CMIP: variants seen among roughly 807,000 people sequenced by gnomAD.
CMIP encodes C-Maf-inducing protein.
In CMIP, 13 loss-of-function variants were observed where a neutral mutation model predicts 97.3. The ratio of observed to expected loss-of-function variants is 0.13; its 90% CI spans 0.09 to 0.21. The LOEUF is 0.21. Among genes scored for constraint, CMIP ranks in the 10% least tolerant of loss-of-function variants. CMIP has a pLI of 1.00. For missense variants in CMIP, 847 were observed against 1,024.9 expected (o/e 0.83, Z 2.37); for synonymous variants, 538 against 436.3 (o/e 1.23, Z -2.91).
chr16:81,645,303 G>A (rs1318396979), intron 3 of CMIP: 17 of 1,166,666 alleles, frequency 1.5e-5, no homozygotes, highest in South Asian at 6.6e-5. Flanking sequence ...CCATGGGCGC[G>A]CCCGTGCAGC....
chr16:81,635,822 A>G (rs2092227528), intron 3 of CMIP, among the ~76,000 whole-genome samples: 1 of 152,134 alleles, frequency 6.6e-6, no homozygotes, highest in Admixed American at 6.5e-5. Context: ...CTGCTGTGGC[A>G]TTAAGCTGGT....
At chr16:81,583,854 G>A (rs2091337546) in intron 1 of CMIP, among the ~76,000 whole-genome samples, 1 of 152,228 alleles carries the variant, frequency 6.6e-6, no homozygotes, top group Non-Finnish European at 1.5e-5. Flanking sequence ...CTGAGCAGAG[G>A]AACAACACAT....
intron 1 of CMIP, among the ~76,000 whole-genome samples, chr16:81,474,192 G>A (rs1214146452): frequency 6.6e-6 from 1 of 152,084 alleles, no homozygotes; most frequent in African/African-American, 2.4e-5. Context: ...CAGAGCTTGT[G>A]GGCGTGGACT....
chr16:81,707,129 G>A, intron 20 of CMIP, 45 bp downstream of exon 20: 1 of 1,534,846 alleles, frequency 6.5e-7, no homozygotes, highest in Non-Finnish European at 9.0e-7. Context: ...CCTTCTTCTA[G>A]CCAGCATCTG....
chr16:81,660,308 CTG>C (rs2092530741), intron 5 of CMIP, among the ~76,000 whole-genome samples: 1 of 151,372 alleles, frequency 6.6e-6, no homozygotes, highest in African/African-American at 2.4e-5. Flanking sequence ...GAGTCTCACT[CTG>C]TCACCCAGGC....
intron 1 of CMIP, among the ~76,000 whole-genome samples, chr16:81,477,953 C>T (rs1156712597): frequency 6.6e-6 from 1 of 152,234 alleles, no homozygotes; most frequent in African/African-American, 2.4e-5. Context: ...ACCTTACTGG[C>T]CAGACCATCA....
intron 3 of CMIP, among the ~76,000 whole-genome samples, chr16:81,629,989 C>A (rs1391512995): frequency 6.6e-6 from 1 of 152,220 alleles, no homozygotes; most frequent in Non-Finnish European, 1.5e-5. Context: ...AGGTGGCTCT[C>A]ACCACCTATT....
At chr16:81,504,747 T>G (rs988681545) in intron 1 of CMIP, among the ~76,000 whole-genome samples, 1 of 148,954 alleles carries the variant, frequency 6.7e-6, no homozygotes, top group South Asian at 2.1e-4. Flanking sequence ...ATTCCACGAG[T>G]GGTCCCAGTC....
chr16:81,529,522 G>A (rs1184801274), intron 1 of CMIP, among the ~76,000 whole-genome samples: 1 of 152,194 alleles, frequency 6.6e-6, no homozygotes, highest in Non-Finnish European at 1.5e-5. Context: ...CCTCAAAGAT[G>A]CCCATGTCCT....
intron 1 of CMIP, among the ~76,000 whole-genome samples, chr16:81,569,682 C>CCA (rs2091048529): frequency 6.6e-6 from 1 of 152,218 alleles, no homozygotes. Flanking sequence ...AAGTGAGATG[C>CCA]TTAAATGCAG....
In CMIP at chr16:81,522,974, C is replaced by T. The variant is rs193091616; in HGVS notation, c.300+77433C>T. 2.1e-3 allele frequency among the ~76,000 whole-genome samples: 322 copies of T among 152,008 alleles called. 1 individual carries two copies. The highest frequency in any genetic ancestry group is 3.1e-3 in the Non-Finnish European group (209 of 67,960). The stretch of plus-strand genomic sequence containing the variant: ...CAGTGTCTCATTCTGTCACCCAGGC[C>T]GGAGTGCAGTGGTTTGATCACAGCT... On this transcript the variant is annotated intron_variant, in intron 1 of 20. Transcript: ENST00000537098.
chr16:81,651,801 C>A (rs370838756), intron 3 of CMIP, among the ~76,000 whole-genome samples: 6 of 152,276 alleles, frequency 3.9e-5, no homozygotes, highest in African/African-American at 1.4e-4. Context: ...GGCTTGAGAG[C>A]CCGAGCACAT....
Position 81,705,588 on chromosome 16 carries a change from C to A in CMIP, c.2181C>A (p.Gly727=), listed in dbSNP as rs1908039794. The change falls in exon 19 of 21, where the codon GGC becomes GGA. Residue 727 remains glycine (G), a synonymous_variant. Transcript: ENST00000537098. ...GCGAGACCCCGGTCACAGACGCTGG[C>A]CTGCTGGCCCTGAGCTGTGAGTGCC... ...NLCETPVTDA[G]LLALSSMKSL... 6.2e-7 allele frequency: 1 copy of A among 1,602,034 alleles called. No individual in the cohort carries two copies.
At chr16:81,701,584 G>C in intron 15 of CMIP, 76 bp from the exon 16 acceptor site, 1 of 1,600,180 alleles carries the variant, frequency 6.2e-7, no homozygotes, top group Non-Finnish European at 8.6e-7. Flanking sequence ...TCAAAACAAG[G>C]CCCTTGGGGT....
intron 3 of CMIP, chr16:81,645,649 G>A: frequency 6.5e-7 from 1 of 1,527,486 alleles, no homozygotes; most frequent in Non-Finnish European, 8.8e-7. Context: ...CGCTGGAGTG[G>A]CTGACTCTGC....
intron 3 of CMIP, among the ~76,000 whole-genome samples, chr16:81,639,950 G>T (rs1176504746): frequency 6.6e-6 from 1 of 152,200 alleles, no homozygotes; most frequent in Non-Finnish European, 1.5e-5. Context: ...GTTAGCTGGT[G>T]TGATGGTGGC....
At chr16:81,506,156 A>C (rs1325038781) in intron 1 of CMIP, among the ~76,000 whole-genome samples, 1 of 152,204 alleles carries the variant, frequency 6.6e-6, no homozygotes, top group Non-Finnish European at 1.5e-5. Context: ...TTGATGAGGA[A>C]ACCAAGGCTC....
At chr16:81,609,353 G>A (rs1044696781) in intron 2 of CMIP, among the ~76,000 whole-genome samples, 1 of 152,216 alleles carries the variant, frequency 6.6e-6, no homozygotes, top group Non-Finnish European at 1.5e-5. Flanking sequence ...TCCATGAAGG[G>A]GGTGGTCAGT....
chr16:81,671,903 C>G (rs1175089544), intron 8 of CMIP, 63 bp from the exon 9 acceptor site: 2 of 855,448 alleles, frequency 2.3e-6, no homozygotes. Context: ...CCTTTCCCCC[C>G]TTACCCTGTC....
Sources: allele counts gnomAD v4.1 joint callset (sites outside exome capture counted in the v4.1 genomes callset), GRCh38; gene constraint gnomAD v4.1.1; transcripts MANE v1.5; gene names NCBI Gene and HGNC (gene_info 2026-07-23, HGNC 2026-07-21).